Variants in FRMD5 observed in about 807,000 individuals in gnomAD.
The protein encoded by FRMD5 is FERM domain-containing protein 5.
A neutral mutation model predicts 69.0 loss-of-function variants in FRMD5; 20 were observed. The ratio of observed to expected loss-of-function variants is 0.29; its 90% CI spans 0.20 to 0.42. FRMD5 has a LOEUF of 0.42. Ranked by LOEUF, FRMD5 falls within the 10% of genes least tolerant of loss-of-function variation. The pLI is 1.00. For missense variants in FRMD5, 595 were observed against 708.6 expected, an observed-to-expected ratio of 0.84 and a Z score of 1.82; for synonymous variants, 271 against 260.1, an observed-to-expected ratio of 1.04 and a Z score of -0.40.
intron 1 of FRMD5, among the ~76,000 whole-genome samples, chr15:44,005,024 CTT>C (rs1031966851): frequency 6.6e-5 from 10 of 152,200 alleles, no homozygotes; most frequent in African/African-American, 2.4e-4. Flanking sequence ...ACAGCATTCC[CTT>C]TAATCAAAGC....
At chr15:44,094,921 A>C (rs1432094061) in intron 1 of FRMD5, among the ~76,000 whole-genome samples, 1 of 152,162 alleles carries the variant, frequency 6.6e-6, no homozygotes, top group Non-Finnish European at 1.5e-5. Context: ...AAGCTTTGAC[A>C]AAATTATTAT....
chr15:44,199,308 A>G (rs1394694174), upstream of FRMD5, among the ~76,000 whole-genome samples: 1 of 152,224 alleles, frequency 6.6e-6, no homozygotes, highest in Admixed American at 6.5e-5. Context: ...CTCATGGACT[A>G]TGGATTAGAT....
intron 1 of FRMD5, among the ~76,000 whole-genome samples, chr15:43,943,134 G>A (rs1367577644): frequency 1.3e-5 from 2 of 152,148 alleles, no homozygotes; most frequent in African/African-American, 4.8e-5. Context: ...CCAGCTACTC[G>A]GGAGGCTGAG....
intron 4 of FRMD5, among the ~76,000 whole-genome samples, chr15:43,918,301 G>A (rs902270383): frequency 1.1e-4 from 16 of 152,166 alleles, no homozygotes; most frequent in Non-Finnish European, 1.8e-4. Context: ...GCAGGCGCCC[G>A]TAATCCCAGT....
intron 1 of FRMD5, among the ~76,000 whole-genome samples, chr15:44,081,230 C>T (rs1445357407): frequency 6.6e-6 from 1 of 152,058 alleles, no homozygotes; most frequent in Non-Finnish European, 1.5e-5. Context: ...TCCCTTGATG[C>T]CCTAGTTAAT....
chr15:43,883,812 G>T lies in FRMD5; in HGVS notation c.1029-3C>A. Reference sequence around the variant, plus strand: ...TCCGGCTGGGAACCATCCCTGCTCTGAGGTTAAAGAAAAAGAACCTTGTTA... The same window carrying T: ...TCCGGCTGGGAACCATCCCTGCTCTTAGGTTAAAGAAAAAGAACCTTGTTA... On this transcript the variant is annotated splice_region_variant and splice_polypyrimidine_tract_variant and intron_variant, in intron 12 of 13. Transcript: ENST00000417257. 6.2e-7 allele frequency: 1 copy of T among 1,611,928 alleles called. No individual in the cohort carries two copies. Among genetic ancestry groups the T allele is most frequent in the Middle Eastern group, 1.7e-4 (1 of 6,056 alleles).
intron 1 of FRMD5, among the ~76,000 whole-genome samples, chr15:44,092,322 G>A (rs754131978): frequency 6.6e-6 from 1 of 152,024 alleles, no homozygotes; most frequent in African/African-American, 2.4e-5. Flanking sequence ...CCTCCAAATT[G>A]GTCTCACAGC....
intron 1 of FRMD5, among the ~76,000 whole-genome samples, chr15:43,979,575 G>A (rs2090517252): frequency 6.6e-6 from 1 of 152,136 alleles, no homozygotes; most frequent in Admixed American, 6.5e-5. Context: ...GGGTCATGGA[G>A]GAAGGCCATT....
intron 1 of FRMD5, among the ~76,000 whole-genome samples, chr15:44,160,326 G>A (rs905589180): frequency 6.6e-6 from 1 of 152,232 alleles, no homozygotes; most frequent in African/African-American, 2.4e-5. Context: ...ACTGCACCCA[G>A]CCTGGGCAAC....
At chr15:44,164,046 C>A (rs1048163802) in intron 1 of FRMD5, among the ~76,000 whole-genome samples, 1 of 152,200 alleles carries the variant, frequency 6.6e-6, no homozygotes, top group African/African-American at 2.4e-5. Flanking sequence ...AACCTCCGCA[C>A]CAGTTCCTAA....
At chr15:43,982,591 G>A (rs2090565154) in intron 1 of FRMD5, among the ~76,000 whole-genome samples, 1 of 152,070 alleles carries the variant, frequency 6.6e-6, no homozygotes, top group African/African-American at 2.4e-5. Context: ...TGTCCTTTGT[G>A]GCATTTTTCC....
intron 1 of FRMD5, among the ~76,000 whole-genome samples, chr15:43,961,729 G>A (rs1313980677): frequency 2.0e-5 from 3 of 152,184 alleles, no homozygotes; most frequent in African/African-American, 7.2e-5. Flanking sequence ...CTTCATCCCT[G>A]GGATGCAAGG....
At chr15:43,918,950 A>G (rs1319388540) in intron 4 of FRMD5, 1 of 210,818 alleles carries the variant, frequency 4.7e-6, no homozygotes, top group Non-Finnish European at 9.9e-6. Context: ...GCCACAGAAC[A>G]TGATCCCCAC....
chr15:44,083,231 G>C (rs916869074), intron 1 of FRMD5, among the ~76,000 whole-genome samples: 1 of 151,924 alleles, frequency 6.6e-6, no homozygotes, highest in African/African-American at 2.4e-5. Context: ...GGTATGCTAG[G>C]AAGAAGATGA....
chr15:44,023,115 CCA>C (rs1316899430), intron 1 of FRMD5, among the ~76,000 whole-genome samples: 1 of 152,010 alleles, frequency 6.6e-6, no homozygotes, highest in Non-Finnish European at 1.5e-5. Context: ...ACAAAAAGCC[CCA>C]GTCTTTGGGC....
intron 1 of FRMD5, among the ~76,000 whole-genome samples, chr15:44,122,550 C>A (rs1016267061): frequency 6.7e-6 from 1 of 150,134 alleles, no homozygotes; most frequent in Admixed American, 6.6e-5. Context: ...GCCTGAGCAA[C>A]AGAGTGAGAC....
intron 1 of FRMD5, among the ~76,000 whole-genome samples, chr15:44,172,681 T>C (rs1452029424): frequency 6.6e-6 from 1 of 152,204 alleles, no homozygotes; most frequent in Non-Finnish European, 1.5e-5. Context: ...CAGTACTTGA[T>C]GCAGATGTGC....
intron 1 of FRMD5, among the ~76,000 whole-genome samples, chr15:44,181,805 C>A (rs1173134592): frequency 6.6e-6 from 1 of 152,044 alleles, no homozygotes; most frequent in African/African-American, 2.4e-5. Flanking sequence ...ACTGGGGAGG[C>A]TGAGACAGGA....
chr15:44,154,582 A>C (rs1175080303), intron 1 of FRMD5, among the ~76,000 whole-genome samples: 1 of 152,212 alleles, frequency 6.6e-6, no homozygotes, highest in Non-Finnish European at 1.5e-5. Flanking sequence ...TGCTTGGTAG[A>C]TACTTTTAAT....
Sources: gnomAD v4.1 joint callset for allele counts (sites outside exome capture counted in the v4.1 genomes callset) on GRCh38, gnomAD v4.1.1 for gene constraint, MANE v1.5 for transcripts, NCBI Gene and HGNC (gene_info 2026-07-23, HGNC 2026-07-21) for gene names.